The following CCBE1 variants were observed in gnomAD, a reference collection of about 807,000 sequenced individuals.
The protein encoded by CCBE1 is collagen and calcium binding EGF domains 1, also known as collagen and calcium-binding EGF domain-containing protein 1.
A neutral mutation model predicts 50.0 loss-of-function variants in CCBE1; 37 were observed. The ratio of observed to expected loss-of-function variants is 0.74; its 90% CI spans 0.57 to 0.97. The LOEUF (loss-of-function observed/expected upper bound fraction) is 0.97, where lower values mean the gene tolerates loss of function less well. Ranked by LOEUF, CCBE1 falls within the 50% of genes least tolerant of loss-of-function variation. The probability of loss-of-function intolerance (pLI) is 0.00; values close to 1 mark genes in which losing one functional copy is unlikely to be tolerated. For missense variants in CCBE1, 538 were observed against 523.8 expected (o/e 1.03, Z -0.26); for synonymous variants, 234 against 203.7 (o/e 1.15, Z -1.27).
At chr18:59,661,066 T>G (rs1291197660) in intron 2 of CCBE1, among the ~76,000 whole-genome samples, 3 of 152,106 alleles carry the variant, frequency 2.0e-5, no homozygotes, top group Admixed American at 6.5e-5. Context: ...GCATTTTCCC[T>G]GGAGATAGTC....
intron 3 of CCBE1, among the ~76,000 whole-genome samples, chr18:59,476,320 C>A (rs1423489250): frequency 6.6e-6 from 1 of 152,194 alleles, no homozygotes; most frequent in Non-Finnish European, 1.5e-5. Context: ...AGCTACCTGG[C>A]AGGGACTGTG....
intron 2 of CCBE1, among the ~76,000 whole-genome samples, chr18:59,634,017 G>A (rs1168291096): frequency 6.6e-6 from 1 of 152,304 alleles, no homozygotes; most frequent in East Asian, 1.9e-4. Context: ...TTAAATGTGA[G>A]GAAGAAGTGA....
At chr18:59,546,614 T>G (rs1429585) in intron 2 of CCBE1, among the ~76,000 whole-genome samples, 103,964 of 152,102 alleles carry the variant, frequency 0.68, 35,689 homozygotes, top group Admixed American at 0.75. Flanking sequence ...AGAAACAAAA[T>G]CCTTGATCTA....
intron 2 of CCBE1, among the ~76,000 whole-genome samples, chr18:59,492,080 G>A (rs1349247622): frequency 6.7e-6 from 1 of 149,086 alleles, no homozygotes; most frequent in Non-Finnish European, 1.5e-5. Flanking sequence ...GGAAGGGGGA[G>A]GTTGCAGTGG....
chr18:59,511,093 T>C (rs1455908370), intron 2 of CCBE1, among the ~76,000 whole-genome samples: 1 of 152,212 alleles, frequency 6.6e-6, no homozygotes, highest in East Asian at 1.9e-4. Context: ...GAGTCCTGTG[T>C]CTTCAGGACT....
chr18:59,643,869 G>A (rs1025935806), intron 2 of CCBE1, among the ~76,000 whole-genome samples: 2 of 152,164 alleles, frequency 1.3e-5, no homozygotes, highest in Non-Finnish European at 2.9e-5. Context: ...CGAAACTGCA[G>A]TCTTCTTCAG....
chr18:59,490,732 A>G (rs1913060342), intron 2 of CCBE1, among the ~76,000 whole-genome samples: 1 of 152,222 alleles, frequency 6.6e-6, no homozygotes, highest in South Asian at 2.1e-4. Context: ...ACCATATGGT[A>G]ATTATTAAGA....
At chr18:59,615,511 A>AAAAAC (rs1376552524) in intron 2 of CCBE1, among the ~76,000 whole-genome samples, 2 of 151,844 alleles carry the variant, frequency 1.3e-5, no homozygotes, top group African/African-American at 4.8e-5. Context: ...GAAAAAAAAA[A>AAAAAC]AGACAGAAGA....
chr18:59,571,021 G>A (rs544270202), intron 2 of CCBE1, among the ~76,000 whole-genome samples: 1 of 152,248 alleles, frequency 6.6e-6, no homozygotes, highest in South Asian at 2.1e-4. Context: ...TGTAACGTAT[G>A]AACTTCAGCC....
intron 2 of CCBE1, among the ~76,000 whole-genome samples, chr18:59,673,530 A>T (rs2054461487): frequency 1.3e-5 from 2 of 152,250 alleles, no homozygotes; most frequent in African/African-American, 4.8e-5. Context: ...CCTGGAACAT[A>T]GTAAGTGCTC....
At chr18:59,586,968 G>T (rs569086600) in intron 2 of CCBE1, among the ~76,000 whole-genome samples, 1 of 152,158 alleles carries the variant, frequency 6.6e-6, no homozygotes, top group East Asian at 1.9e-4. Flanking sequence ...ACAGAGGGCA[G>T]ATATGAAACA....
Position 59,659,507 on chromosome 18 carries a change from G to A in CCBE1, c.212+37122C>T, listed in dbSNP as rs60774985. On this transcript the variant is annotated intron_variant, in intron 2 of 10. Coordinates refer to ENST00000439986, the MANE Select transcript of CCBE1 (RefSeq NM_133459.4). ...AAGAGCTCTGAGAAGTGATTTGGTC[G>A]CACTTACAGCAATTTTAATTCACCG... 4.2e-3 allele frequency among the ~76,000 whole-genome samples: 646 copies of A among 152,124 alleles called. 2 individuals carry two copies. Among genetic ancestry groups the A allele is most frequent in the South Asian group, 6.4e-3 (31 of 4,816 alleles).
intron 2 of CCBE1, among the ~76,000 whole-genome samples, chr18:59,508,599 AAAAAAAAGAAAAGT>A (rs1913988450): frequency 6.6e-6 from 1 of 152,032 alleles, no homozygotes; most frequent in South Asian, 2.1e-4. Context: ...TCTGTCTCAC[AAAAAAAAGAAAAGT>A]AAAAAAAGAA....
chr18:59,481,967 T>G (rs1237222773), intron 2 of CCBE1, among the ~76,000 whole-genome samples: 1 of 152,172 alleles, frequency 6.6e-6, no homozygotes, highest in African/African-American at 2.4e-5. Context: ...GCCATGGTGG[T>G]TTGCTGCACC....
intron 2 of CCBE1, among the ~76,000 whole-genome samples, chr18:59,674,096 A>G (rs2054467987): frequency 6.6e-6 from 1 of 152,174 alleles, no homozygotes; most frequent in Non-Finnish European, 1.5e-5. Flanking sequence ...TTGGTAGGCT[A>G]TTAATTGCTG....
At chr18:59,450,819 G>A (rs540223388) in intron 6 of CCBE1, among the ~76,000 whole-genome samples, 1 of 152,364 alleles carries the variant, frequency 6.6e-6, no homozygotes, top group African/African-American at 2.4e-5. Context: ...ACAGGCATGA[G>A]CCACTGCGCC....
chr18:59,486,418 G>T (rs1179384974), intron 2 of CCBE1, among the ~76,000 whole-genome samples: 4 of 152,130 alleles, frequency 2.6e-5, no homozygotes, highest in African/African-American at 9.7e-5. Flanking sequence ...AGAAATTTTT[G>T]ATTTCAAGAG....
At chr18:59,697,654 G>T (rs1401595765), upstream of CCBE1, 2 of 346,916 alleles carry the variant, frequency 5.8e-6, no homozygotes, top group Non-Finnish European at 1.1e-5. Context: ...TGACAGACTT[G>T]CTGGACTCGG....
chr18:59,595,114 CAAAAAAA>C (rs546035209), intron 2 of CCBE1, among the ~76,000 whole-genome samples: 6 of 73,580 alleles, frequency 8.2e-5, no homozygotes, highest in Non-Finnish European at 1.5e-4. Context: ...GACTCTGTCT[CAAAAAAA>C]AAAAAAAAAA....
Sources: allele counts gnomAD v4.1 joint callset (sites outside exome capture counted in the v4.1 genomes callset), GRCh38; gene constraint gnomAD v4.1.1; transcripts MANE v1.5; gene names NCBI Gene and HGNC (gene_info 2026-07-23, HGNC 2026-07-21).